The following HDHD2 variants were observed in gnomAD, a reference collection of about 807,000 sequenced individuals.
HDHD2 encodes haloacid dehalogenase-like hydrolase domain-containing protein 2.
HDHD2 carries 26 observed loss-of-function variants against 24.8 expected under a neutral mutation model. The ratio of observed to expected loss-of-function variants is 1.05; its 90% CI spans 0.77 to 1.45. The LOEUF is 1.45. Ranked by LOEUF, HDHD2 falls within the 40% of genes most tolerant of loss-of-function variation. The probability of loss-of-function intolerance (pLI) is 0.00; values close to 1 mark genes in which losing one functional copy is unlikely to be tolerated. For missense variants in HDHD2, 299 were observed against 313.4 expected (o/e 0.95, Z 0.35); for synonymous variants, 128 against 114.9 (o/e 1.11, Z -0.73).
intron 1 of HDHD2, among the ~76,000 whole-genome samples, chr18:47,145,837 G>A (rs2063864153): frequency 6.6e-6 from 1 of 152,094 alleles, no homozygotes; most frequent in Non-Finnish European, 1.5e-5. Flanking sequence ...TAACACATGT[G>A]GGAAAAGACG....
At chr18:47,127,215 T>C (rs1404963937) in intron 4 of HDHD2, among the ~76,000 whole-genome samples, 2 of 152,002 alleles carry the variant, frequency 1.3e-5, no homozygotes, top group Non-Finnish European at 2.9e-5. Context: ...AAGCAATTCA[T>C]TGTGCTTCTT....
At chr18:47,142,081 T>A (rs1284182656) in intron 1 of HDHD2, among the ~76,000 whole-genome samples, 1 of 152,174 alleles carries the variant, frequency 6.6e-6, no homozygotes, top group East Asian at 1.9e-4. Context: ...TCCCCAGCAA[T>A]GTGGAATTGT....
At chr18:47,130,399 C>CACAT in intron 3 of HDHD2, 71 bp from the exon 4 acceptor site, 1 of 1,008,978 alleles carries the variant, frequency 9.9e-7, no homozygotes, top group Non-Finnish European at 1.5e-6. Context: ...AAAAAGTAGT[C>CACAT]TTAGTCAATC....
intron 4 of HDHD2, among the ~76,000 whole-genome samples, chr18:47,124,614 G>A (rs547467717): frequency 1.4e-5 from 2 of 144,354 alleles, no homozygotes; most frequent in East Asian, 4.4e-4. Context: ...GCTGAGACAG[G>A]AGAATTGCTT....
In HDHD2 at chr18:47,108,627, T is replaced by C; in HGVS notation, c.*55A>G. ...TGCTGGCACTGAGTTGGTAAGGGAT[T>C]CATTCCAGACAATAAGAAGCTGCAT... On this transcript the variant is annotated 3_prime_UTR_variant, in exon 7 of 7. Transcript: ENST00000300605. 1.1e-6 allele frequency: 1 copy of C among 938,084 alleles called. No individual in the cohort carries two copies. Among genetic ancestry groups the C allele is most frequent in the Non-Finnish European group, 1.7e-6 (1 of 588,630 alleles). The allele number at this position is 938,084 out of a possible 1,614,324, so 58.1% of individuals were successfully genotyped here.
chr18:47,136,524 A>T, intron 1 of HDHD2, 75 bp from the exon 2 acceptor site: 1 of 1,186,120 alleles, frequency 8.4e-7, no homozygotes, highest in Non-Finnish European at 1.2e-6. Flanking sequence ...AGTATTCAAA[A>T]ATATCACTCA....
chr18:47,123,877 T>C (rs372641614), intron 4 of HDHD2, among the ~76,000 whole-genome samples: 27 of 152,330 alleles, frequency 1.8e-4, no homozygotes, highest in African/African-American at 6.5e-4. Flanking sequence ...TTTCAAAATC[T>C]GTGTGGAAAT....
At chr18:47,133,855 C>T (rs2063737299) in intron 3 of HDHD2, among the ~76,000 whole-genome samples, 1 of 151,970 alleles carries the variant, frequency 6.6e-6, no homozygotes, top group Admixed American at 6.6e-5. Context: ...TGTTTGAGTT[C>T]TTTGTAGATT....
At position 47,146,550 on chromosome 18, in the gene HDHD2, A is replaced by G. The variant is rs187467843; in HGVS notation, c.-11+3828T>C. On this transcript the variant is annotated intron_variant, in intron 1 of 6. Coordinates refer to ENST00000300605, the MANE Select transcript of HDHD2 (RefSeq NM_032124.5). ...CCATGATACATGAACAAAGACGTCT[A>G]TAGCAGCACCATTTGTAACAGCCAG... Among the ~76,000 whole-genome samples the G allele has an allele frequency of 6.3e-4, 96 of 152,326 alleles. No individual in the cohort carries two copies. The East Asian group carries it at 0.015, about 25-fold the overall frequency.
intron 5 of HDHD2, 87 bp from the exon 6 acceptor site, chr18:47,113,127 G>T: frequency 9.4e-7 from 1 of 1,066,458 alleles, no homozygotes. Context: ...AGGCTAGGGT[G>T]TCCAACTGTA....
intron 6 of HDHD2, chr18:47,111,479 A>C (rs376964462): frequency 7.1e-6 from 7 of 984,966 alleles, no homozygotes; most frequent in East Asian, 2.3e-4. Context: ...AAAACAGCAA[A>C]AGGCAGGAAT....
Position 47,108,673 on chromosome 18 carries a change from C to T in HDHD2, c.*9G>A, listed in dbSNP as rs780294678. 2.7e-6 allele frequency: 4 copies of T among 1,461,736 alleles called. No individual in the cohort carries two copies. In the African/African-American group the frequency reaches 4.2e-5, roughly 15 times the overall value. The allele number at this position is 1,461,736 out of a possible 1,614,324, so 90.5% of individuals were successfully genotyped here. On this transcript the variant is annotated 3_prime_UTR_variant, in exon 7 of 7. Coordinates refer to ENST00000300605, the MANE Select transcript of HDHD2 (RefSeq NM_032124.5). ...TGCATTTCAAGTTGCTTCAGATGCA[C>T]ACACTGCTTCACAATAGGTGCTGCA...
Position 47,136,190 on chromosome 18 carries a change from A to G in HDHD2, c.101+149T>C, listed in dbSNP as rs953805881. 6 of 898,346 alleles carry G rather than the reference A, an allele frequency of 6.7e-6. No individual in the cohort carries two copies. In the African/African-American group the frequency reaches 8.5e-5, roughly 13 times the overall value. 55.6% of individuals were successfully genotyped at this position (898,346 alleles called of 1,614,324 possible). On this transcript the variant is annotated intron_variant, in intron 2 of 6. Coordinates refer to ENST00000300605, the MANE Select transcript of HDHD2 (RefSeq NM_032124.5). ...CAATGTTTGGAAGAAATTGTAATGC[A>G]TACATCTTCTAGCTAAACCCAAGGC...
At chr18:47,112,928 G>A (rs775481350) in intron 6 of HDHD2, 49 bp downstream of exon 6, 32 of 1,448,022 alleles carry the variant, frequency 2.2e-5, no homozygotes, top group Non-Finnish European at 2.4e-5. Context: ...AAGCAACTGT[G>A]TATTCTACTA....
chr18:47,137,941 C>T (rs1216613068), intron 1 of HDHD2, among the ~76,000 whole-genome samples: 1 of 150,830 alleles, frequency 6.6e-6, no homozygotes, highest in East Asian at 2.0e-4. Flanking sequence ...CCGACGCGGG[C>T]GGATCACTTG....
intron 4 of HDHD2, among the ~76,000 whole-genome samples, chr18:47,123,128 T>C (rs530356973): frequency 5.4e-4 from 83 of 152,310 alleles, no homozygotes; most frequent in African/African-American, 1.9e-3. Flanking sequence ...TTGTCATTAT[T>C]GTCTACAATT....
intron 2 of HDHD2, among the ~76,000 whole-genome samples, chr18:47,135,737 C>T (rs1389666189): frequency 6.6e-6 from 1 of 151,900 alleles, no homozygotes; most frequent in Non-Finnish European, 1.5e-5. Context: ...TTTCAGGACA[C>T]CCAGAAGCAA....
chr18:47,137,488 A>AT lies in HDHD2; in HGVS notation c.-10-1040dup, dbSNP rs574527334. ...TGGTATATGTGCACAAGCATATTTC[A>AT]TTTTTTTAACTAAATAGCCAATGGT... On this transcript the variant is annotated intron_variant, in intron 1 of 6. Transcript: ENST00000300605. The AT allele has an allele frequency of 8.4e-4, 149 of 177,474 alleles. 1 individual carries two copies. Among genetic ancestry groups the AT allele is most frequent in the African/African-American group, 3.4e-3 (143 of 42,114 alleles). 11.0% of individuals were successfully genotyped at this position (177,474 alleles called of 1,614,324 possible).
intron 1 of HDHD2, among the ~76,000 whole-genome samples, chr18:47,148,198 C>A (rs142608749): frequency 3.7e-4 from 57 of 152,204 alleles, no homozygotes; most frequent in African/African-American, 1.4e-3. Flanking sequence ...ACCACGTTGC[C>A]CAGGATGGTC....
Sources: gnomAD v4.1 joint callset for allele counts (sites outside exome capture counted in the v4.1 genomes callset) on GRCh38, gnomAD v4.1.1 for gene constraint, MANE v1.5 for transcripts, NCBI Gene and HGNC (gene_info 2026-07-23, HGNC 2026-07-21) for gene names.